The following BBOF1 variants were observed in gnomAD, a reference collection of about 807,000 sequenced individuals.
BBOF1 encodes basal body-orientation factor 1.
In BBOF1, 62 loss-of-function variants were observed where a neutral mutation model predicts 68.0. That is an observed-to-expected ratio of 0.91 (90% CI 0.74 to 1.13). The LOEUF is 1.13. Ranked by LOEUF, BBOF1 falls within the 50% of genes most tolerant of loss-of-function variation. The pLI, the probability that BBOF1 is intolerant of heterozygous loss-of-function variation, is 0.00. For missense variants in BBOF1, 534 were observed against 600.1 expected (o/e 0.89, Z 1.15); for synonymous variants, 208 against 198.8 (o/e 1.05, Z -0.39).
chr14:74,066,598 A>T, downstream of BBOF1: 2 of 1,146,562 alleles, frequency 1.7e-6, no homozygotes, highest in Non-Finnish European at 2.6e-6. Flanking sequence ...CTGGCAAGAG[A>T]TAAGGTCTTA....
intron 3 of BBOF1, among the ~76,000 whole-genome samples, chr14:74,032,864 T>C (rs1168424478): frequency 6.6e-6 from 1 of 152,158 alleles, no homozygotes; most frequent in Non-Finnish European, 1.5e-5. Context: ...GCATTTCTTT[T>C]AGTACCTTTT....
At chr14:74,071,602 G>A (rs1269375698) in intron 9 of BBOF1, 2 of 1,597,666 alleles carry the variant, frequency 1.3e-6, no homozygotes, top group African/African-American at 1.3e-5. Flanking sequence ...GCCAATGAAG[G>A]GGTGCAGGGT....
intron 8 of BBOF1, among the ~76,000 whole-genome samples, chr14:74,052,202 A>C (rs1379399452): frequency 6.6e-6 from 1 of 151,792 alleles, no homozygotes; most frequent in Non-Finnish European, 1.5e-5. Context: ...ACATTTTCAG[A>C]GGAAGTTAAA....
Position 74,065,552 on chromosome 14 carries a change from A to G in BBOF1, c.*853A>G, listed in dbSNP as rs1051671122. 11 of 601,476 alleles carry G rather than the reference A, an allele frequency of 1.8e-5. No individual in the cohort carries two copies. Among genetic ancestry groups the G allele is most frequent in the Non-Finnish European group, 2.9e-5 (10 of 341,704 alleles). 37.3% of individuals were successfully genotyped at this position (601,476 alleles called of 1,614,324 possible). A position where few individuals can be genotyped will look rare whatever the true frequency, so the allele number is the denominator to read the frequency against. ...GTGTATTCCGTCTTCCAAGTTACCA[A>G]TCATATAAACAACTTGGAATTCCTA... On this transcript the variant is annotated 3_prime_UTR_variant, in exon 12 of 12. Transcript: ENST00000394009.
intron 2 of BBOF1, among the ~76,000 whole-genome samples, chr14:74,028,770 G>A (rs1444816499): frequency 1.3e-5 from 2 of 150,770 alleles, no homozygotes; most frequent in Admixed American, 6.6e-5. Context: ...GTGCAATGAC[G>A]CCATCTCGGC....
chr14:74,023,303 A>G (rs746678084), intron 2 of BBOF1, among the ~76,000 whole-genome samples, 159 bp downstream of exon 2: 1 of 152,162 alleles, frequency 6.6e-6, no homozygotes, highest in Non-Finnish European at 1.5e-5. Context: ...ACTTTTTCAG[A>G]ATGGTTTTAC....
downstream of BBOF1, chr14:74,066,985 G>A: frequency 8.7e-7 from 1 of 1,149,746 alleles, no homozygotes; most frequent in Non-Finnish European, 1.3e-6. Context: ...GGAGGCCAAG[G>A]CAGGAGGACT....
chr14:74,055,251 C>T (rs759566607), intron 8 of BBOF1: 7 of 226,186 alleles, frequency 3.1e-5, no homozygotes, highest in South Asian at 2.5e-4. Flanking sequence ...TGGGTTCAAG[C>T]GATTCTCCTG....
At position 74,057,199 on chromosome 14, in the gene BBOF1, G is replaced by A. The variant is rs1408647394; in HGVS notation, c.1519G>A (p.Asp507Asn). ...IFITQQIAIS[D>N]SSGEVVLPTI... ...CATCACCCAGCAAATTGCAATATCA[G>A]ACTCTTCTGGTGAAGTGGTGCTACC... The change falls in exon 11 of 12, where the codon GAC becomes AAC. Residue 507 changes from aspartate to asparagine, a missense_variant. Transcript: ENST00000394009. The A allele has an allele frequency of 1.9e-6, 3 of 1,613,938 alleles. No individual in the cohort carries two copies. The African/African-American group carries it at 4.0e-5, about 22-fold the overall frequency.
intron 3 of BBOF1, among the ~76,000 whole-genome samples, chr14:74,030,582 A>G (rs1376860458): frequency 6.6e-6 from 1 of 151,762 alleles, no homozygotes; most frequent in Non-Finnish European, 1.5e-5. Flanking sequence ...TGCAAGCTCC[A>G]TCTATTGGGT....
At position 74,072,157 on chromosome 14, in the gene BBOF1, T is replaced by C. The variant is rs368700677; in HGVS notation, n.1380-6039T>C. The C allele has an allele frequency of 1.5e-4, 244 of 1,613,432 alleles. No homozygotes were observed. In the Middle Eastern group the frequency reaches 2.8e-3, roughly 19 times the overall value. Reference sequence around the variant, plus strand: ...AAGGTCTCTGTGAGAGTGACAAACATGCCCTAGGTGACAGTTTGGAAAAGC... The same window carrying C: ...AAGGTCTCTGTGAGAGTGACAAACACGCCCTAGGTGACAGTTTGGAAAAGC... On this transcript the variant is annotated intron_variant and non_coding_transcript_variant, in intron 9 of 12. Coordinates refer to the BBOF1 transcript ENST00000492026.
In BBOF1 at chr14:74,040,621, G is replaced by A. The variant is rs757264711; in HGVS notation, c.552G>A (p.Leu184=). Residue 184 remains leucine (L), a synonymous_variant, in exon 5 of 12, where the codon CTG becomes CTA. Coordinates refer to ENST00000394009, the MANE Select transcript of BBOF1 (RefSeq NM_025057.3). ...TACATCAGGAGACTCTTAGAAGACT[G>A]GAAAGCAGATTTTTTGAAGAAAAGG... ...ERIHQETLRR[L]ESRFFEEKHR... 6.3e-7 allele frequency: 1 copy of A among 1,590,514 alleles called. No individual in the cohort carries two copies. The highest frequency in any genetic ancestry group is 2.3e-5 in the East Asian group (1 of 44,282).
At chr14:74,046,583 G>A (rs1025168577) in intron 6 of BBOF1, among the ~76,000 whole-genome samples, 2 of 151,978 alleles carry the variant, frequency 1.3e-5, no homozygotes, top group African/African-American at 4.8e-5. Flanking sequence ...ATGTTGGCCG[G>A]GCTGATCTCG....
rs780100779 is a variant in BBOF1, at chr14:74,046,066, C to A, written c.583C>A (p.Leu195Ile). ...AGCCCATTTTCTTTTTTAGCACCGACTAGAACAAGAGGCTGAAAAGAAGAT... is the reference window on the plus strand; with the variant it reads ...AGCCCATTTTCTTTTTTAGCACCGAATAGAACAAGAGGCTGAAAAGAAGAT... ...ESRFFEEKHR[L>I]EQEAEKKIIM... is the part of the protein sequence containing the mutation. Residue 195 changes from leucine to isoleucine, a missense_variant, in exon 6 of 12, where the codon CTA (leucine) becomes ATA (isoleucine). Transcript: ENST00000394009. 6.2e-7 allele frequency: 1 copy of A among 1,607,086 alleles called. No individual in the cohort carries two copies. Among genetic ancestry groups the A allele is most frequent in the South Asian group, 1.1e-5 (1 of 89,494 alleles).
At chr14:74,028,511 C>G (rs202039294) in intron 2 of BBOF1, among the ~76,000 whole-genome samples, 3,267 of 86,590 alleles carry the variant, frequency 0.038, 81 homozygotes, top group South Asian at 0.16. Context: ...CACACACACA[C>G]AAATAGAGGG....
At position 74,019,458 on chromosome 14, in the gene BBOF1, G is replaced by A. The variant is rs1164233089; in HGVS notation, c.-21G>A. On this transcript the variant is annotated 5_prime_UTR_variant, in exon 1 of 12. Coordinates refer to ENST00000394009, the MANE Select transcript of BBOF1 (RefSeq NM_025057.3). ...GCCGCGGCTGGGCAACTACGACAGC[G>A]GAGCCCCTGGGGAAGCCAAGATGCC... 13 of 1,597,862 alleles carry A rather than the reference G, an allele frequency of 8.1e-6. No individual in the cohort carries two copies. Among genetic ancestry groups the A allele is most frequent in the Non-Finnish European group, 1.1e-5 (13 of 1,172,520 alleles).
At chr14:74,069,582 C>T (rs149098717), downstream of BBOF1, among the ~76,000 whole-genome samples, 2,066 of 151,746 alleles carry the variant, frequency 0.014, 41 homozygotes, top group African/African-American at 0.047. Context: ...GAAACCCTGT[C>T]TCTACTAAAA....
intron 11 of BBOF1, chr14:74,060,782 T>C: frequency 7.0e-7 from 1 of 1,428,944 alleles, no homozygotes; most frequent in South Asian, 1.1e-5. Flanking sequence ...CATATATTTC[T>C]GGGGTTTCAT....
chr14:74,049,029 C>T (rs543096772), intron 7 of BBOF1, among the ~76,000 whole-genome samples: 76 of 152,146 alleles, frequency 5.0e-4, no homozygotes, highest in Middle Eastern at 3.4e-3. Context: ...TGCACCACCA[C>T]GGCCAGCTAA....
Sources: gnomAD v4.1 joint callset for allele counts (sites outside exome capture counted in the v4.1 genomes callset) on GRCh38, gnomAD v4.1.1 for gene constraint, MANE v1.5 for transcripts, NCBI Gene and HGNC (gene_info 2026-07-23, HGNC 2026-07-21) for gene names.